Variants in TM6SF2 observed in about 807,000 individuals in gnomAD.
The protein encoded by TM6SF2 is transmembrane 6 superfamily member 2.
TM6SF2 carries 29 observed loss-of-function variants against 41.0 expected under a neutral mutation model. The ratio of observed to expected loss-of-function variants is 0.71; its 90% CI spans 0.53 to 0.96. The LOEUF (loss-of-function observed/expected upper bound fraction) is 0.96, where lower values mean the gene tolerates loss of function less well. Ranked by LOEUF, TM6SF2 falls within the 50% of genes least tolerant of loss-of-function variation. The pLI, the probability that TM6SF2 is intolerant of heterozygous loss-of-function variation, is 0.00. For synonymous variants in TM6SF2, 200 were observed against 209.1 expected, an observed-to-expected ratio of 0.96 and a Z score of 0.37; for missense variants, 475 against 499.0, an observed-to-expected ratio of 0.95 and a Z score of 0.46.
At chr19:19,272,244 C>T (rs532447583) in intron 1 of TM6SF2, among the ~76,000 whole-genome samples, 6 of 152,210 alleles carry the variant, frequency 3.9e-5, no homozygotes, top group Non-Finnish European at 8.8e-5. Flanking sequence ...CCCTCAGAAC[C>T]CAAGATTTCC....
intron 8 of TM6SF2, 181 bp from the exon 9 acceptor site, chr19:19,266,790 C>T (rs1316121613): frequency 1.5e-6 from 1 of 653,346 alleles, no homozygotes; most frequent in Non-Finnish European, 2.5e-6. Context: ...AACCCCCGAA[C>T]ACATACACCA....
chr19:19,266,917 A>G (rs1007614007), intron 8 of TM6SF2, among the ~76,000 whole-genome samples: 10 of 152,328 alleles, frequency 6.6e-5, no homozygotes, highest in Middle Eastern at 3.4e-3. Context: ...CGCTGGGCCA[A>G]TCTGAGCCTG....
At chr19:19,267,855 A>G (rs1599836980) in intron 7 of TM6SF2, 131 bp downstream of exon 7, 1 of 1,078,916 alleles carries the variant, frequency 9.3e-7, no homozygotes, top group Non-Finnish European at 1.4e-6. Flanking sequence ...GGGCTTTGTC[A>G]TGGAACACTC....
rs1425080890 is a variant in TM6SF2, at chr19:19,270,159, C to A, written c.401+14G>T. The A allele has an allele frequency of 6.2e-7, 1 of 1,613,670 alleles. No homozygotes were observed. ...TCCCAGGGTCAGGGGCCACCCTCTC[C>A]CTGCCTCCTGCACCTTCTGCAGATG... On this transcript the variant is annotated intron_variant, in intron 4 of 9. Transcript: ENST00000389363.
At chr19:19,265,077 T>G (rs1335694215) in intron 9 of TM6SF2, among the ~76,000 whole-genome samples, 8 of 149,088 alleles carry the variant, frequency 5.4e-5, no homozygotes, top group African/African-American at 1.7e-4. Flanking sequence ...AGTCTCATTC[T>G]GTTGCCCATG....
chr19:19,264,818 C>A lies in TM6SF2; in HGVS notation c.980G>T (p.Arg327Leu). Residue 327 changes from arginine (R) to leucine (L), a missense_variant, in exon 10 of 10, where the codon CGT (arginine) becomes CTT (leucine). Physicochemically the swap from Arg to Leu is moderately radical, Grantham distance 102. Around this residue, in one of 3 missense-constraint regions of TM6SF2, gnomAD observed 190 missense variants for 190.2 expected, o/e 1.00. Transcript: ENST00000389363. ...SMHLRTPFTY[R>L]VPEDTWGCFF... ...GCAGCCCCAGGTGTCCTCAGGCACACGGTAGGTGAAGGGTGTGCGCAGGTG... is the reference window on the plus strand; with the variant it reads ...GCAGCCCCAGGTGTCCTCAGGCACAAGGTAGGTGAAGGGTGTGCGCAGGTG... 6.2e-7 allele frequency: 1 copy of A among 1,607,196 alleles called. No individual in the cohort carries two copies. The highest frequency in any genetic ancestry group is 1.1e-5 in the South Asian group (1 of 89,790).
At position 19,270,253 on chromosome 19, in the gene TM6SF2, C is replaced by T. The variant is rs117957107; in HGVS notation, c.321G>A (p.Ala107=). 4.5e-3 allele frequency: 7,224 copies of T among 1,614,230 alleles called. 24 individuals are homozygous for T. The highest frequency in any genetic ancestry group is 5.7e-3 in the Non-Finnish European group (6,785 of 1,180,038). Residue 107 remains alanine (A), a synonymous_variant, in exon 4 of 10, where the codon GCG becomes GCA. Coordinates refer to ENST00000389363, the MANE Select transcript of TM6SF2 (RefSeq NM_001001524.3). ...CCCAGTAGCAGATGAAGACTCCGTG[C>T]GCTGTGCGCAGGTATGGCTCTCCCT... ...TKEGEPYLRT[A]HGVFICYWDG...
intron 6 of TM6SF2, 60 bp downstream of exon 6, chr19:19,268,570 A>G: frequency 1.3e-6 from 2 of 1,509,462 alleles, no homozygotes; most frequent in Non-Finnish European, 1.8e-6. Flanking sequence ...ACCAAAAGCA[A>G]CTGACACGGG....
At position 19,273,183 on chromosome 19, in the gene TM6SF2, C is replaced by T. The variant is rs1317598227; in HGVS notation, c.33G>A (p.Ala11=). Residue 11 remains alanine (A), a synonymous_variant, in exon 1 of 10, where the codon GCG becomes GCA. Coordinates refer to ENST00000389363, the MANE Select transcript of TM6SF2 (RefSeq NM_001001524.3). ...CCGGGAGGGCGCTCAGCGACAGCGCCGCGATCTTGCCGGCCAGCGGCGGGA... is the reference window on the plus strand; with the variant it reads ...CCGGGAGGGCGCTCAGCGACAGCGCTGCGATCTTGCCGGCCAGCGGCGGGA... MDIPPLAGKI[A]ALSLSALPVS... 1.9e-5 allele frequency: 28 copies of T among 1,464,344 alleles called. No homozygotes were observed. The highest frequency in any genetic ancestry group is 2.4e-5 in the Admixed American group (1 of 40,990). 90.7% of individuals were successfully genotyped at this position (1,464,344 alleles called of 1,614,324 possible).
intron 1 of TM6SF2, 63 bp downstream of exon 1, chr19:19,273,058 T>TCCAACCC: frequency 4.3e-6 from 2 of 470,242 alleles, no homozygotes; most frequent in Non-Finnish European, 7.5e-6. Flanking sequence ...CCACCTCCAG[T>TCCAACCC]CCTCCCCGCC....
intron 1 of TM6SF2, among the ~76,000 whole-genome samples, chr19:19,272,261 A>G (rs2061026601): frequency 6.6e-6 from 1 of 152,182 alleles, no homozygotes; most frequent in African/African-American, 2.4e-5. Context: ...TTCCATCCTG[A>G]CCCCATCTAA....
intron 4 of TM6SF2, 81 bp from the exon 5 acceptor site, chr19:19,269,850 G>C: frequency 1.2e-6 from 2 of 1,603,282 alleles, no homozygotes; most frequent in Non-Finnish European, 8.5e-7. Flanking sequence ...AGACCACCGT[G>C]GGTTTCCCAG....
At position 19,270,063 on chromosome 19, in the gene TM6SF2, G is replaced by A. The variant is rs754061321; in HGVS notation, c.401+110C>T. ...CCCCTGGCTGGAGCCCTAGAGAGGC[G>A]TCCTGATTTCTCCTACAGACACTTC... On this transcript the variant is annotated intron_variant, in intron 4 of 9. Transcript: ENST00000389363. The A allele has an allele frequency of 3.1e-5, 48 of 1,553,924 alleles. 1 individual carries two copies. The highest frequency in any genetic ancestry group is 3.3e-4 in the Middle Eastern group (2 of 6,016).
chr19:19,268,486 G>T, intron 6 of TM6SF2, 144 bp downstream of exon 6: 2 of 1,256,288 alleles, frequency 1.6e-6, no homozygotes, highest in Non-Finnish European at 1.1e-6. Context: ...GGGATTACAG[G>T]CATGAGCCAC....
intron 9 of TM6SF2, among the ~76,000 whole-genome samples, chr19:19,266,036 G>A (rs2061002025): frequency 6.6e-6 from 1 of 151,940 alleles, no homozygotes; most frequent in South Asian, 2.1e-4. Flanking sequence ...CTCCTCAAAC[G>A]CCCCATCACC....
chr19:19,273,061 T>TGCCCCCCCCCCCCCCCCCCCCCCCCCCCC, intron 1 of TM6SF2, 60 bp downstream of exon 1: 6 of 305,468 alleles, frequency 2.0e-5, no homozygotes, highest in East Asian at 8.6e-5. Context: ...CCTCCAGTCC[T>TGCCCCCCCCCCCCCCCCCCCCCCCCCCCC]CCCCGCCCCC....
At chr19:19,265,407 C>CTATCTATCTATCTATCTATCTATTT (rs1478604397) in intron 9 of TM6SF2, among the ~76,000 whole-genome samples, 1 of 87,638 alleles carries the variant, frequency 1.1e-5, no homozygotes, top group Non-Finnish European at 2.4e-5. Context: ...TCTATCTATC[C>CTATCTATCTATCTATCTATCTATTT]ATCCATCCAT....
rs781249230 is a variant in TM6SF2 at position 19,271,145 on chromosome 19, G to A, written c.96-20C>T. On this transcript the variant is annotated intron_variant, in intron 1 of 9. Transcript: ENST00000389363. ...AGGGGGCTGTGGAGAGGGAAGCCAA[G>A]TCAGGGAGGCCAGGCCCAGTGCTGA... 2 of 1,602,850 alleles carry A rather than the reference G, an allele frequency of 1.2e-6. No individual in the cohort carries two copies. Among genetic ancestry groups the A allele is most frequent in the Non-Finnish European group, 1.7e-6 (2 of 1,169,762 alleles).
In TM6SF2 at chr19:19,267,907, G is replaced by A. The variant is rs111987320; in HGVS notation, c.711+79C>T. ...AGAACTTCCTTGGATGATCAAACAG[G>A]AAGGGCAGTGTGGGAGAGGTGGGTC... is the stretch of plus-strand genomic sequence containing the variant. On this transcript the variant is annotated intron_variant, in intron 7 of 9. Coordinates refer to ENST00000389363, the MANE Select transcript of TM6SF2 (RefSeq NM_001001524.3). 1.4e-4 allele frequency: 170 copies of A among 1,213,012 alleles called. No individual in the cohort carries two copies. The African/African-American group carries it at 2.1e-3, about 15-fold the overall frequency. 75.1% of individuals were successfully genotyped at this position (1,213,012 alleles called of 1,614,324 possible). A position where few individuals can be genotyped will look rare whatever the true frequency, so the allele number is the denominator to read the frequency against.
Sources: allele counts gnomAD v4.1 joint callset (sites outside exome capture counted in the v4.1 genomes callset), GRCh38; gene constraint gnomAD v4.1.1; regional missense constraint gnomAD v4.1.1; transcripts MANE v1.5; gene names NCBI Gene and HGNC (gene_info 2026-07-23, HGNC 2026-07-21).